The following CSMD3 variants were observed in gnomAD, a reference collection of about 807,000 sequenced individuals.
CSMD3 encodes CUB and Sushi multiple domains 3, also known as CUB and sushi domain-containing protein 3.
In CSMD3, 177 loss-of-function variants were observed where a neutral mutation model predicts 435.2. The observed-to-expected ratio is 0.41, with a 90% confidence interval of 0.36 to 0.46. The LOEUF is 0.46. Ranked by LOEUF, CSMD3 falls within the 20% of genes least tolerant of loss-of-function variation. The pLI is 0.34. For missense variants in CSMD3, 4,265 were observed against 4,504.6 expected (o/e 0.95, Z 1.52); for synonymous variants, 1,656 against 1,520.5 (o/e 1.09, Z -2.07).
intron 5 of CSMD3, among the ~76,000 whole-genome samples, chr8:113,091,043 C>A (rs1489339391): frequency 2.0e-5 from 3 of 151,944 alleles, no homozygotes; most frequent in Non-Finnish European, 2.9e-5. Context: ...ATATATCTAT[C>A]TTTTTATACT....
intron 41 of CSMD3, among the ~76,000 whole-genome samples, chr8:112,345,618 A>C (rs2131019098): frequency 6.6e-6 from 1 of 152,254 alleles, no homozygotes; most frequent in East Asian, 1.9e-4. Flanking sequence ...AAGGGCACAA[A>C]ATTTCAGTTA....
At chr8:112,450,887 C>T (rs956775455) in intron 32 of CSMD3, among the ~76,000 whole-genome samples, 1 of 152,134 alleles carries the variant, frequency 6.6e-6, no homozygotes, top group Non-Finnish European at 1.5e-5. Context: ...GCTCTCTGAT[C>T]TGGAAACTCC....
intron 4 of CSMD3, among the ~76,000 whole-genome samples, chr8:113,125,912 G>A (rs2091112369): frequency 6.6e-6 from 1 of 151,884 alleles, no homozygotes; most frequent in Non-Finnish European, 1.5e-5. Flanking sequence ...GAGTGAGATA[G>A]ATCAAAGGAG....
At chr8:112,310,620 C>T (rs1313430701) in intron 50 of CSMD3, 1 of 324,808 alleles carries the variant, frequency 3.1e-6, no homozygotes, top group Non-Finnish European at 6.0e-6. Context: ...GTGTACTTGC[C>T]CATTCTTATT....
intron 38 of CSMD3, among the ~76,000 whole-genome samples, chr8:112,368,697 GA>G (rs969406353): frequency 9.9e-5 from 15 of 152,078 alleles, no homozygotes; most frequent in African/African-American, 3.6e-4. Context: ...AAAATTATGG[GA>G]GGAGGTTATA....
chr8:112,278,487 A>T (rs1322533892), intron 59 of CSMD3, among the ~76,000 whole-genome samples: 1 of 152,142 alleles, frequency 6.6e-6, no homozygotes, highest in East Asian at 1.9e-4. Context: ...TCTTAGATTT[A>T]ATCATATGTC....
chr8:112,446,596 G>T (rs568865706), intron 32 of CSMD3, among the ~76,000 whole-genome samples: 1 of 152,180 alleles, frequency 6.6e-6, no homozygotes, highest in Non-Finnish European at 1.5e-5. Flanking sequence ...ATGGCATGAA[G>T]GCTTCAGAAT....
chr8:112,724,759 G>A (rs957946811), intron 13 of CSMD3, among the ~76,000 whole-genome samples: 1 of 151,958 alleles, frequency 6.6e-6, no homozygotes, highest in African/African-American at 2.4e-5. Flanking sequence ...GAATGTGAGA[G>A]ACAAAAAGAT....
At chr8:113,264,138 A>G (rs189139287) in intron 3 of CSMD3, among the ~76,000 whole-genome samples, 1 of 151,346 alleles carries the variant, frequency 6.6e-6, no homozygotes, top group Admixed American at 6.6e-5. Flanking sequence ...ATTATTTTTT[A>G]TCAGTTTACT....
intron 13 of CSMD3, among the ~76,000 whole-genome samples, chr8:112,764,609 C>A (rs1251517847): frequency 1.3e-5 from 2 of 151,416 alleles, no homozygotes; most frequent in African/African-American, 2.4e-5. Context: ...AATGGCTAAG[C>A]AGTTACAATG....
intron 5 of CSMD3, among the ~76,000 whole-genome samples, chr8:113,039,678 A>T (rs1263877966): frequency 1.3e-5 from 2 of 152,176 alleles, no homozygotes; most frequent in African/African-American, 4.8e-5. Context: ...AGTAGTAAAA[A>T]CTTAAAGAAA....
rs2089456262 is a variant in CSMD3, at chr8:113,079,097, T to C, written c.917+19659A>G. ...CCCAGAAAAAATATATTTGAATACATTCTTTTGCCATTCACCTTTTAAAGA... is the reference window on the plus strand; with the variant it reads ...CCCAGAAAAAATATATTTGAATACACTCTTTTGCCATTCACCTTTTAAAGA... On this transcript the variant is annotated intron_variant, in intron 5 of 70. Coordinates refer to ENST00000297405, the MANE Select transcript of CSMD3 (RefSeq NM_198123.2). Among the ~76,000 whole-genome samples, 4 of 152,200 alleles carry C rather than the reference T, an allele frequency of 2.6e-5. No homozygotes were observed. The South Asian group carries it at 8.3e-4, about 31-fold the overall frequency.
At chr8:113,194,441 T>C (rs1564412765) in intron 3 of CSMD3, among the ~76,000 whole-genome samples, 1 of 151,250 alleles carries the variant, frequency 6.6e-6, no homozygotes, top group Non-Finnish European at 1.5e-5. Context: ...TTTAGACCAG[T>C]AAAACCTATT....
At chr8:112,975,632 T>A (rs2130929897) in intron 7 of CSMD3, among the ~76,000 whole-genome samples, 1 of 152,254 alleles carries the variant, frequency 6.6e-6, no homozygotes, top group South Asian at 2.1e-4. Context: ...TGCATTGCAC[T>A]TTGACTTATT....
chr8:112,743,074 A>T (rs530577973), intron 13 of CSMD3, among the ~76,000 whole-genome samples: 2 of 152,150 alleles, frequency 1.3e-5, no homozygotes, highest in South Asian at 4.1e-4. Context: ...CTTAGCACAT[A>T]TTCTTAAGTG....
chr8:112,342,047 T>C (rs192670047), intron 41 of CSMD3, among the ~76,000 whole-genome samples: 4 of 152,272 alleles, frequency 2.6e-5, no homozygotes, highest in Admixed American at 2.6e-4. Context: ...TAATTTGTGT[T>C]ATGGAAAAGG....
intron 13 of CSMD3, among the ~76,000 whole-genome samples, chr8:112,713,630 C>T (rs1159759695): frequency 6.6e-6 from 1 of 151,982 alleles, no homozygotes; most frequent in Non-Finnish European, 1.5e-5. Flanking sequence ...ATCAGATTCT[C>T]CAAGGTTGAA....
chr8:112,685,499 G>A lies in CSMD3; in HGVS notation c.2389C>T (p.Pro797Ser). ...ILGTFTGAEV[P>S]SHLTSNSHIL... ...TGACTATTACTAGTAAGATGGGAAGGCACCTCAGCCCCAGTAAAGGTTCCA... is the reference window on the plus strand; with the variant it reads ...TGACTATTACTAGTAAGATGGGAAGACACCTCAGCCCCAGTAAAGGTTCCA... The change falls in exon 15 of 71, where the codon CCT (proline) becomes TCT (serine). Residue 797 changes from proline (P) to serine (S), a missense_variant. Pro to Ser is a moderately conservative substitution (Grantham distance 74, BLOSUM62 -1). Coordinates refer to ENST00000297405, the MANE Select transcript of CSMD3 (RefSeq NM_198123.2). The A allele has an allele frequency of 6.2e-7, 1 of 1,613,928 alleles. No individual in the cohort carries two copies. Among genetic ancestry groups the A allele is most frequent in the Non-Finnish European group, 8.5e-7 (1 of 1,179,900 alleles).
intron 1 of CSMD3, among the ~76,000 whole-genome samples, chr8:113,431,551 G>A (rs956490272): frequency 2.0e-5 from 3 of 152,054 alleles, no homozygotes; most frequent in African/African-American, 7.3e-5. Flanking sequence ...AAATATTGAA[G>A]GTATTTTATA....
Sources: gnomAD v4.1 joint callset for allele counts (sites outside exome capture counted in the v4.1 genomes callset) on GRCh38, gnomAD v4.1.1 for gene constraint, MANE v1.5 for transcripts, NCBI Gene and HGNC (gene_info 2026-07-23, HGNC 2026-07-21) for gene names.